Variants in TECTA observed in about 807,000 individuals in gnomAD.
The protein encoded by TECTA is tectorin alpha.
TECTA carries 128 observed loss-of-function variants against 216.8 expected under a neutral mutation model. The ratio of observed to expected loss-of-function variants is 0.59; its 90% confidence interval spans 0.51 to 0.68. The LOEUF is 0.68. TECTA is among the 30% of genes least tolerant of loss of function. The pLI is 0.00. For missense variants in TECTA, 2,551 were observed against 2,786.2 expected (o/e 0.92, Z 1.90); for synonymous variants, 1,089 against 1,117.1 (o/e 0.97, Z 0.50).
At chr11:121,175,404 G>A (rs369132049) in intron 20 of TECTA, among the ~76,000 whole-genome samples, 48 of 152,050 alleles carry the variant, frequency 3.2e-4, no homozygotes, top group East Asian at 9.6e-4. Context: ...CTTTATTCTC[G>A]TTGGTTTCAA....
chr11:121,159,024 A>G (rs11218169), intron 14 of TECTA, among the ~76,000 whole-genome samples: 18,155 of 152,166 alleles, frequency 0.12, 1,530 homozygotes, highest in South Asian at 0.33. Context: ...CACTGTGAGC[A>G]CAGAGAGGCA....
At position 121,168,142 on chromosome 11, in the gene TECTA, T is replaced by A. The variant is rs894192850; in HGVS notation, c.5675T>A (p.Ile1892Asn). 6.2e-7 allele frequency: 1 copy of A among 1,614,060 alleles called. No individual in the cohort carries two copies. The highest frequency in any genetic ancestry group is 1.3e-5 in the African/African-American group (1 of 74,906). The stretch of plus-strand genomic sequence containing the variant: ...AACATCATCACCAGGGACCGCACGA[T>A]CAATGTGGAATTTTCATGTGCTTAT... ...TGNIITRDRTINVEFSCAYEL... is the reference protein window; with the variant it reads ...TGNIITRDRTNNVEFSCAYEL... The change falls in exon 19 of 24, where the codon ATC becomes AAC. Residue 1892 changes from isoleucine (I) to asparagine (N), a missense_variant. Ile to Asn is a moderately radical substitution (Grantham distance 149). Transcript: ENST00000392793.
chr11:121,184,896 G>A (rs1947265815), intron 20 of TECTA, among the ~76,000 whole-genome samples: 1 of 152,174 alleles, frequency 6.6e-6, no homozygotes, highest in South Asian at 2.1e-4. Context: ...ATGAGTGGGT[G>A]AGCATCACAA....
chr11:121,178,035 C>T (rs185376961), intron 20 of TECTA, among the ~76,000 whole-genome samples: 16 of 152,348 alleles, frequency 1.1e-4, no homozygotes, highest in Admixed American at 6.5e-4. Context: ...GTCGGAAAAG[C>T]GCAGTATTGG....
chr11:121,103,099 A>G (rs1181103145), intron 2 of TECTA, among the ~76,000 whole-genome samples: 1 of 152,216 alleles, frequency 6.6e-6, no homozygotes, highest in East Asian at 1.9e-4. Flanking sequence ...TGGAGACTTT[A>G]AAGAATCTAC....
chr11:121,189,030 G>C (rs1565542222), intron 21 of TECTA, 50 bp from the exon 22 acceptor site: 1 of 1,587,656 alleles, frequency 6.3e-7, no homozygotes, highest in Non-Finnish European at 8.6e-7. Flanking sequence ...TGAAGAATAA[G>C]TTATCAGCTT....
At chr11:121,130,395 A>G (rs1946662476) in intron 10 of TECTA, among the ~76,000 whole-genome samples, 184 bp downstream of exon 10, 2 of 152,158 alleles carry the variant, frequency 1.3e-5, no homozygotes, top group South Asian at 2.1e-4. Context: ...AGAGCCTCTC[A>G]TCTTTACTTT....
chr11:121,132,249 A>T (rs1410084505), intron 10 of TECTA, among the ~76,000 whole-genome samples: 1 of 152,170 alleles, frequency 6.6e-6, no homozygotes, highest in African/African-American at 2.4e-5. Context: ...TGACTCATGG[A>T]TTCCTACTTA....
chr11:121,136,582 C>A (rs1443350115), intron 10 of TECTA, among the ~76,000 whole-genome samples: 1 of 152,138 alleles, frequency 6.6e-6, no homozygotes, highest in Non-Finnish European at 1.5e-5. Flanking sequence ...TTGATGGAGA[C>A]CCTCTTGATA....
intron 11 of TECTA, among the ~76,000 whole-genome samples, chr11:121,141,874 T>G (rs544789685): frequency 5.3e-5 from 8 of 152,302 alleles, no homozygotes; most frequent in Non-Finnish European, 1.0e-4. Context: ...GAGACAGACA[T>G]TGGCAGTTAA....
chr11:121,128,088 G>A lies in TECTA; in HGVS notation c.2111G>A (p.Gly704Asp). 1 of 1,612,732 alleles carries A rather than the reference G, an allele frequency of 6.2e-7. No homozygotes were observed. The highest frequency in any genetic ancestry group is 8.5e-7 in the Non-Finnish European group (1 of 1,179,632). Residue 704 changes from glycine to aspartate, a missense_variant, in exon 9 of 24, where the codon GGC becomes GAC. By Grantham distance (94) the Gly-to-Asp change is moderately conservative. Transcript: ENST00000392793. ...TGCGCCGTGGAGGACGGCTACCAGG[G>A]CTGCTTCCCCAAGCGGGAGACCGTG... is the stretch of plus-strand genomic sequence containing the variant. ...EVCAVEDGYQ[G>D]CFPKRETVCL...
intron 19 of TECTA, 169 bp downstream of exon 19, chr11:121,168,386 C>T (rs867173766): frequency 4.1e-6 from 4 of 983,846 alleles, no homozygotes; most frequent in Admixed American, 2.0e-5. Flanking sequence ...CTCTCTGTGA[C>T]GATGGAAATA....
At chr11:121,112,965 C>T (rs1946455885) in intron 4 of TECTA, 107 bp from the exon 5 acceptor site, 1 of 1,443,534 alleles carries the variant, frequency 6.9e-7, no homozygotes, top group Admixed American at 1.8e-5. Context: ...CAGAGCAGCT[C>T]TGAGCTGCCT....
In TECTA at chr11:121,158,185, C is replaced by T; in HGVS notation, c.4650C>T (p.Asn1550=). ...TTTCGCCCGTCTACTTCTACATTAA[C>T]GAAGAGCAGATTCTCATCAACGACC... ...TIISPVYFYI[N]EEQILINDRN... The change falls in exon 14 of 24, where the codon AAC becomes AAT. Residue 1550 remains asparagine, a synonymous_variant. Transcript: ENST00000392793. The T allele has an allele frequency of 6.2e-7, 1 of 1,613,984 alleles. No homozygotes were observed. The highest frequency in any genetic ancestry group is 1.1e-5 in the South Asian group (1 of 91,076).
chr11:121,118,638 G>A lies in TECTA; in HGVS notation c.1123G>A (p.Val375Ile), dbSNP rs752254649. ...AKNEHRRGSA[V>I]SWVKELSVEV... Reference sequence around the variant, plus strand: ...GAATGAACACCGCAGAGGTTCAGCCGTCTCCTGGGTGAAGGAGCTCTCAGT... The same window carrying A: ...GAATGAACACCGCAGAGGTTCAGCCATCTCCTGGGTGAAGGAGCTCTCAGT... Residue 375 changes from valine (V) to isoleucine (I), a missense_variant, in exon 7 of 24, where the codon GTC becomes ATC. Val to Ile is a conservative substitution (Grantham distance 29). This residue lies in a region of TECTA where 2,375 missense variants were observed against 2,563.9 expected (regional missense o/e 0.93). Transcript: ENST00000392793. 84 of 1,613,948 alleles carry A rather than the reference G, an allele frequency of 5.2e-5. No homozygotes were observed. Among genetic ancestry groups the A allele is most frequent in the Non-Finnish European group, 6.2e-5 (73 of 1,180,020 alleles).
chr11:121,165,227 G>A, intron 16 of TECTA, 46 bp from the exon 17 acceptor site: 1 of 1,531,626 alleles, frequency 6.5e-7, no homozygotes, highest in Non-Finnish European at 8.9e-7. Flanking sequence ...CCGCATGTAG[G>A]TGTGAAAATG....
At chr11:121,151,496 T>C (rs1207141030) in intron 12 of TECTA, among the ~76,000 whole-genome samples, 1 of 152,212 alleles carries the variant, frequency 6.6e-6, no homozygotes, top group African/African-American at 2.4e-5. Flanking sequence ...CTCCCATTTA[T>C]GCAAAAAATA....
chr11:121,117,724 A>G (rs192975697), intron 6 of TECTA, among the ~76,000 whole-genome samples: 71 of 152,362 alleles, frequency 4.7e-4, no homozygotes, highest in Non-Finnish European at 7.3e-4. Flanking sequence ...TGCAGGATTC[A>G]TGAGCCTTTA....
intron 11 of TECTA, among the ~76,000 whole-genome samples, chr11:121,140,032 A>T (rs534983958): frequency 3.3e-5 from 5 of 152,254 alleles, no homozygotes; most frequent in African/African-American, 9.6e-5. Context: ...TCATGCAGTT[A>T]CTTATCTCCT....
Sources: gnomAD v4.1 joint callset for allele counts (sites outside exome capture counted in the v4.1 genomes callset) on GRCh38, gnomAD v4.1.1 for gene constraint, gnomAD v4.1.1 regional missense constraint, MANE v1.5 for transcripts, NCBI Gene and HGNC (gene_info 2026-07-23, HGNC 2026-07-21) for gene names.